CCDC91: variants seen among roughly 807,000 people sequenced by gnomAD.
CCDC91 encodes the protein coiled-coil domain containing 91.
Under a neutral mutation model 63.2 loss-of-function variants are expected in CCDC91, and 48 were observed. That is an observed-to-expected ratio of 0.76 (90% CI 0.60 to 0.97). The LOEUF (loss-of-function observed/expected upper bound fraction) is 0.97, where lower values mean the gene tolerates loss of function less well. Ranked by LOEUF, CCDC91 falls within the 50% of genes least tolerant of loss-of-function variation. The probability of loss-of-function intolerance (pLI) is 0.00; values close to 1 mark genes in which losing one functional copy is unlikely to be tolerated. For synonymous variants in CCDC91, 167 were observed against 165.8 expected (o/e 1.01, Z -0.06); for missense variants, 500 against 494.6 (o/e 1.01, Z -0.10).
intron 7 of CCDC91, among the ~76,000 whole-genome samples, chr12:28,387,310 C>T (rs983636729): frequency 6.0e-5 from 9 of 150,710 alleles, no homozygotes; most frequent in Admixed American, 3.9e-4. Context: ...TCTTTTAATA[C>T]CCGACACCTG....
At chr12:28,472,576 G>A (rs1397942995) in intron 11 of CCDC91, among the ~76,000 whole-genome samples, 1 of 152,072 alleles carries the variant, frequency 6.6e-6, no homozygotes, top group Admixed American at 6.6e-5. Context: ...CATGAAAATT[G>A]GTCACAAATG....
At chr12:28,305,528 T>C in intron 3 of CCDC91, 121 bp from the exon 4 acceptor site, 1 of 852,252 alleles carries the variant, frequency 1.2e-6, no homozygotes, top group Non-Finnish European at 1.7e-6. Context: ...CTCTCATTGC[T>C]TTTACTTTCC....
At chr12:28,481,664 AACTTT>A (rs1951454658) in intron 11 of CCDC91, among the ~76,000 whole-genome samples, 1 of 151,986 alleles carries the variant, frequency 6.6e-6, no homozygotes, top group Admixed American at 6.6e-5. Flanking sequence ...AGAAGGCTTA[AACTTT>A]ACTTTTATAT....
chr12:28,373,846 G>C (rs957996619), intron 7 of CCDC91, among the ~76,000 whole-genome samples: 3 of 152,056 alleles, frequency 2.0e-5, no homozygotes, highest in Non-Finnish European at 4.4e-5. Flanking sequence ...GATAGTGAGT[G>C]AGTTCTCACA....
At chr12:28,441,604 C>CAT (rs3037229) in intron 8 of CCDC91, among the ~76,000 whole-genome samples, 65 of 147,844 alleles carry the variant, frequency 4.4e-4, no homozygotes, top group South Asian at 1.7e-3. Context: ...TGTATGTATA[C>CAT]ATATATATAT....
chr12:28,500,895 T>C (rs943810057), intron 12 of CCDC91, among the ~76,000 whole-genome samples: 5 of 151,704 alleles, frequency 3.3e-5, no homozygotes, highest in African/African-American at 4.8e-5. Context: ...GATAAGTGTA[T>C]GATCTGGCAA....
chr12:28,246,710 A>G (rs1251557269), intron 1 of CCDC91, among the ~76,000 whole-genome samples: 3 of 152,186 alleles, frequency 2.0e-5, no homozygotes, highest in African/African-American at 7.2e-5. Flanking sequence ...GTAGTTTTCA[A>G]GAAATAGTGA....
chr12:28,248,331 A>G (rs1207980821), intron 1 of CCDC91, among the ~76,000 whole-genome samples: 1 of 151,782 alleles, frequency 6.6e-6, no homozygotes, highest in Non-Finnish European at 1.5e-5. Context: ...GTAGATCTGG[A>G]GCTCAGGAAA....
At chr12:28,348,432 C>T (rs1162110964) in intron 6 of CCDC91, among the ~76,000 whole-genome samples, 1 of 152,174 alleles carries the variant, frequency 6.6e-6, no homozygotes, top group African/African-American at 2.4e-5. Context: ...AGGTGGCCAC[C>T]CCAAGGCAGC....
intron 6 of CCDC91, among the ~76,000 whole-genome samples, chr12:28,336,182 G>A (rs1046918503): frequency 6.6e-6 from 1 of 151,754 alleles, no homozygotes; most frequent in Non-Finnish European, 1.5e-5. Context: ...TAATTCAGAA[G>A]AACAGGATAC....
At chr12:28,411,242 A>G (rs1378951773) in intron 8 of CCDC91, among the ~76,000 whole-genome samples, 5 of 152,128 alleles carry the variant, frequency 3.3e-5, no homozygotes, top group African/African-American at 1.2e-4. Flanking sequence ...TTTTTGAAAA[A>G]AAAAAGTATG....
intron 7 of CCDC91, among the ~76,000 whole-genome samples, chr12:28,377,520 C>T (rs1220192457): frequency 6.6e-6 from 1 of 151,828 alleles, no homozygotes; most frequent in Non-Finnish European, 1.5e-5. Context: ...ATTTATGTTT[C>T]TTGGCCCATC....
intron 1 of CCDC91, among the ~76,000 whole-genome samples, chr12:28,242,180 G>A (rs1945391695): frequency 6.6e-6 from 1 of 152,026 alleles, no homozygotes; most frequent in South Asian, 2.1e-4. Flanking sequence ...GGTGCCAGGG[G>A]ATTTGGTCAT....
intron 12 of CCDC91, among the ~76,000 whole-genome samples, chr12:28,531,250 G>C (rs530652061): frequency 6.6e-6 from 1 of 152,076 alleles, no homozygotes; most frequent in African/African-American, 2.4e-5. Flanking sequence ...AGGTGAGAGC[G>C]CTCAGTACTT....
At position 28,190,515 on chromosome 12, in the gene CCDC91, T is replaced by G. The variant is rs1174397544; in HGVS notation, c.-141T>G. ...CCCAACCTGTGTGGCTGGGCCGCGG[T>G]CTCCCCTCAAGGGCCTGGGGCCGTG... On this transcript the variant is annotated 5_prime_UTR_variant, in exon 1 of 13. Transcript: ENST00000536442. 3 of 152,796 alleles carry G rather than the reference T, an allele frequency of 2.0e-5. No homozygotes were observed. Among genetic ancestry groups the G allele is most frequent in the Non-Finnish European group, 2.9e-5 (2 of 68,572 alleles). The allele number at this position is 152,796 out of a possible 1,614,324, so 9.5% of individuals were successfully genotyped here.
chr12:28,450,448 G>C, intron 10 of CCDC91, 30 bp downstream of exon 10: 1 of 1,466,790 alleles, frequency 6.8e-7, no homozygotes, highest in Admixed American at 1.7e-5. Flanking sequence ...TGGGTTGCTT[G>C]TAAGTAAGTG....
chr12:28,238,827 A>G (rs904238606), intron 1 of CCDC91, among the ~76,000 whole-genome samples: 9 of 152,292 alleles, frequency 5.9e-5, no homozygotes, highest in Admixed American at 1.3e-4. Context: ...ATAATTAAAA[A>G]TGTGTGTGGC....
At chr12:28,506,062 T>C (rs1408017018) in intron 12 of CCDC91, among the ~76,000 whole-genome samples, 3 of 152,038 alleles carry the variant, frequency 2.0e-5, no homozygotes, top group Non-Finnish European at 4.4e-5. Context: ...GTCTTATTTG[T>C]ATTTACTTTA....
At chr12:28,452,022 TTTTTAA>T (rs1949826250) in intron 10 of CCDC91, among the ~76,000 whole-genome samples, 1 of 144,470 alleles carries the variant, frequency 6.9e-6, no homozygotes, top group African/African-American at 2.6e-5. Context: ...GCATTTTCCT[TTTTTAA>T]TTTTAGAAAG....
Sources: allele counts gnomAD v4.1 joint callset (sites outside exome capture counted in the v4.1 genomes callset), GRCh38; gene constraint gnomAD v4.1.1; transcripts MANE v1.5; gene names NCBI Gene and HGNC (gene_info 2026-07-23, HGNC 2026-07-21).